FAT3: variants seen among roughly 807,000 people sequenced by gnomAD.
FAT3 encodes the protein FAT atypical cadherin 3.
FAT3 carries 95 observed loss-of-function variants against 310.2 expected under a neutral mutation model. The observed-to-expected ratio is 0.31, with a 90% CI of 0.26 to 0.36. The LOEUF (loss-of-function observed/expected upper bound fraction) is 0.36, where lower values mean the gene tolerates loss of function less well. Ranked by LOEUF, FAT3 falls within the 10% of genes least tolerant of loss-of-function variation. The pLI, the probability that FAT3 is intolerant of heterozygous loss-of-function variation, is 1.00. For synonymous variants in FAT3, 2,314 were observed against 2,192.9 expected, an observed-to-expected ratio of 1.06 and a Z score of -1.54; for missense variants, 5,408 against 5,715.6, an observed-to-expected ratio of 0.95 and a Z score of 1.74.
chr11:92,281,910 C>T (rs958378179), intron 1 of FAT3, among the ~76,000 whole-genome samples: 1 of 151,986 alleles, frequency 6.6e-6, no homozygotes, highest in Non-Finnish European at 1.5e-5. Context: ...AACATTATCC[C>T]TTCTTTTTTT....
At chr11:92,672,682 A>G (rs1943168066) in intron 3 of FAT3, among the ~76,000 whole-genome samples, 1 of 152,220 alleles carries the variant, frequency 6.6e-6, no homozygotes, top group South Asian at 2.1e-4. Flanking sequence ...ATGATGGAAC[A>G]TGAACTGAAA....
At chr11:92,608,651 C>A (rs1433379215) in intron 3 of FAT3, among the ~76,000 whole-genome samples, 1 of 151,282 alleles carries the variant, frequency 6.6e-6, no homozygotes, top group African/African-American at 2.4e-5. Flanking sequence ...CTATGAGAAT[C>A]AGAGAACTGA....
chr11:92,800,307 A>C lies in FAT3; in HGVS notation c.7294A>C (p.Ser2432Arg), dbSNP rs1947300813. The C allele has an allele frequency of 6.2e-7, 1 of 1,613,858 alleles. No individual in the cohort carries two copies. Among genetic ancestry groups the C allele is most frequent in the Non-Finnish European group, 8.5e-7 (1 of 1,179,760 alleles). The change falls in exon 10 of 28, where the codon AGC (serine) becomes CGC (arginine). Residue 2432 changes from serine to arginine, a missense_variant. Physicochemically the swap from Ser to Arg is moderately radical, Grantham distance 110 (BLOSUM62 -1). This residue lies in a region of FAT3 where 4,588 missense variants were observed against 4,809.8 expected (regional missense o/e 0.95). Transcript: ENST00000525166. ...CTCTGATTTTGACCGGTTGGAATAT[A>C]GCATTTTATCTGGGAATGACCGGAC... The part of the protein sequence containing the change: ...DSSDFDRLEY[S>R]ILSGNDRTSF...
intron 1 of FAT3, among the ~76,000 whole-genome samples, chr11:92,327,946 A>G (rs1045140107): frequency 2.0e-5 from 3 of 152,254 alleles, no homozygotes; most frequent in African/African-American, 4.8e-5. Context: ...AGAAATTTCC[A>G]TGAGTCCCTG....
At chr11:92,867,277 A>T in intron 22 of FAT3, 68 bp downstream of exon 22, 1 of 1,397,886 alleles carries the variant, frequency 7.2e-7, no homozygotes, top group Non-Finnish European at 9.5e-7. Flanking sequence ...CTGCAGGGGG[A>T]TCCCTGCCCT....
At chr11:92,814,912 T>A (rs1280477513) in intron 13 of FAT3, among the ~76,000 whole-genome samples, 1 of 152,158 alleles carries the variant, frequency 6.6e-6, no homozygotes, top group Non-Finnish European at 1.5e-5. Flanking sequence ...GAATAGGATT[T>A]CCACAGTCAG....
intron 2 of FAT3, among the ~76,000 whole-genome samples, chr11:92,368,833 CATAT>C (rs778237959): frequency 2.1e-5 from 3 of 140,988 alleles, no homozygotes; most frequent in Non-Finnish European, 3.0e-5. Context: ...TGTGTGTATA[CATAT>C]ATATATATAT....
intron 22 of FAT3, among the ~76,000 whole-genome samples, 159 bp downstream of exon 22, chr11:92,867,368 T>A (rs931223788): frequency 2.0e-5 from 3 of 152,222 alleles, no homozygotes; most frequent in Non-Finnish European, 4.4e-5. Context: ...TAGGGAAGTC[T>A]CAGCTCTTGA....
intron 3 of FAT3, among the ~76,000 whole-genome samples, chr11:92,692,742 G>A (rs376853904): frequency 6.6e-6 from 1 of 152,220 alleles, no homozygotes; most frequent in South Asian, 2.1e-4. Flanking sequence ...GATGGGATGT[G>A]AAGAACACAG....
intron 2 of FAT3, among the ~76,000 whole-genome samples, chr11:92,424,421 C>T (rs1016663565): frequency 1.3e-5 from 2 of 152,072 alleles, no homozygotes; most frequent in African/African-American, 4.8e-5. Context: ...CTCCTATGGA[C>T]CTTGCCACAA....
chr11:92,710,502 G>A (rs984424405), intron 4 of FAT3, among the ~76,000 whole-genome samples: 1 of 152,200 alleles, frequency 6.6e-6, no homozygotes, highest in Non-Finnish European at 1.5e-5. Flanking sequence ...TTACAGCCTT[G>A]TTGGCAGGGA....
chr11:92,489,881 C>G (rs1401349498), intron 2 of FAT3, among the ~76,000 whole-genome samples: 1 of 146,408 alleles, frequency 6.8e-6, no homozygotes, highest in Non-Finnish European at 1.5e-5. Flanking sequence ...TAGTTTTTTT[C>G]TTTTTCTTTT....
intron 4 of FAT3, among the ~76,000 whole-genome samples, chr11:92,698,590 GATT>G (rs990418730): frequency 2.1e-4 from 32 of 151,410 alleles, no homozygotes; most frequent in African/African-American, 7.0e-4. Flanking sequence ...TATAATAAAG[GATT>G]ATTATTATTA....
chr11:92,813,326 A>T (rs1241366461), intron 13 of FAT3, among the ~76,000 whole-genome samples: 1 of 152,178 alleles, frequency 6.6e-6, no homozygotes, highest in East Asian at 1.9e-4. Context: ...AAAATAATAT[A>T]TAGGGAATTC....
At chr11:92,478,727 C>T (rs1952115570) in intron 2 of FAT3, among the ~76,000 whole-genome samples, 2 of 151,990 alleles carry the variant, frequency 1.3e-5, no homozygotes, top group Non-Finnish European at 2.9e-5. Context: ...AGTGATTCTC[C>T]TGCCTCAGCC....
chr11:92,635,138 A>G (rs780524946), intron 3 of FAT3, among the ~76,000 whole-genome samples: 2 of 152,230 alleles, frequency 1.3e-5, no homozygotes, highest in Non-Finnish European at 2.9e-5. Flanking sequence ...ACACACTTAC[A>G]TAAGCAGCTC....
rs552911989 is a variant in FAT3, at chr11:92,693,353, A to T, written c.3608-4031A>T. 3.0e-4 allele frequency among the ~76,000 whole-genome samples: 45 copies of T among 152,350 alleles called. 1 individual carries two copies. The South Asian group carries it at 7.9e-3, about 27-fold the overall frequency. ...AATTTACTGTGCCCAGTGGGTCTAC[A>T]GTTACATGTGTAATGCACACACCTC... On this transcript the variant is annotated intron_variant, in intron 3 of 27. Transcript: ENST00000525166.
At chr11:92,292,765 A>G (rs1218277104) in intron 1 of FAT3, among the ~76,000 whole-genome samples, 2 of 152,078 alleles carry the variant, frequency 1.3e-5, no homozygotes, top group African/African-American at 2.4e-5. Flanking sequence ...CATTGTGCAA[A>G]TGCTGCATTT....
chr11:92,640,063 C>T (rs894529346), intron 3 of FAT3, among the ~76,000 whole-genome samples: 2 of 152,156 alleles, frequency 1.3e-5, no homozygotes, highest in Admixed American at 1.3e-4. Context: ...CAGTTCCTGG[C>T]AGTCTTCATT....
Sources: gnomAD v4.1 joint callset for allele counts (sites outside exome capture counted in the v4.1 genomes callset) on GRCh38, gnomAD v4.1.1 for gene constraint, gnomAD v4.1.1 regional missense constraint, MANE v1.5 for transcripts, NCBI Gene and HGNC (gene_info 2026-07-23, HGNC 2026-07-21) for gene names.